Variants in STX12 observed in about 807,000 individuals in gnomAD.
The protein encoded by STX12 is syntaxin-12.
Under a neutral mutation model 42.2 loss-of-function variants are expected in STX12, and 17 were observed. That is an observed-to-expected ratio of 0.40 (90% CI 0.28 to 0.60). STX12 has a LOEUF of 0.60. STX12 is among the 20% of genes least tolerant of loss of function. STX12 has a pLI of 0.39. For missense variants in STX12, 297 were observed against 330.9 expected (o/e 0.90, Z 0.79); for synonymous variants, 108 against 116.7 (o/e 0.93, Z 0.48).
intron 1 of STX12, among the ~76,000 whole-genome samples, chr1:27,778,466 G>A (rs1018138431): frequency 7.9e-5 from 12 of 152,094 alleles, no homozygotes; most frequent in Admixed American, 2.0e-4. Flanking sequence ...CGAGGCGATC[G>A]GATCACCTGA....
chr1:27,793,396 A>T, intron 2 of STX12, 137 bp from the exon 3 acceptor site: 2 of 651,786 alleles, frequency 3.1e-6, no homozygotes. Flanking sequence ...TTTGTTGTGA[A>T]CCTGGGCATC....
intron 1 of STX12, among the ~76,000 whole-genome samples, chr1:27,776,964 C>T (rs963376429): frequency 6.6e-6 from 1 of 152,112 alleles, no homozygotes; most frequent in African/African-American, 2.4e-5. Context: ...CAGTCCCAAA[C>T]ATATGAAAGA....
chr1:27,798,955 A>T (rs2088808246), intron 3 of STX12, among the ~76,000 whole-genome samples: 1 of 148,674 alleles, frequency 6.7e-6, no homozygotes. Context: ...CCCTGTCTCA[A>T]AAAAAAAAAA....
intron 3 of STX12, among the ~76,000 whole-genome samples, 198 bp downstream of exon 3, chr1:27,793,830 A>T (rs2088765984): frequency 6.6e-6 from 1 of 152,056 alleles, no homozygotes; most frequent in African/African-American, 2.4e-5. Context: ...AGATGTGGCA[A>T]AGTGTCTGCG....
intron 1 of STX12, among the ~76,000 whole-genome samples, chr1:27,786,237 C>A (rs1171346271): frequency 6.6e-6 from 1 of 152,178 alleles, no homozygotes; most frequent in African/African-American, 2.4e-5. Flanking sequence ...CTGCTCTAGC[C>A]ACCCTGGCCT....
chr1:27,779,363 TCA>T (rs2088650896), intron 1 of STX12, among the ~76,000 whole-genome samples: 3 of 150,692 alleles, frequency 2.0e-5, no homozygotes, highest in Non-Finnish European at 2.9e-5. Flanking sequence ...GAGCCAAGTC[TCA>T]CTCTGTCGCC....
At position 27,823,622 on chromosome 1, in the gene STX12, T is replaced by C. The variant is rs2089000588; in HGVS notation, c.*1293T>C. The C allele has an allele frequency of 6.5e-6, 1 of 152,768 alleles. No homozygotes were observed. Among genetic ancestry groups the C allele is most frequent in the Middle Eastern group, 3.4e-3 (1 of 294 alleles). The allele number at this position is 152,768 out of a possible 1,614,324, so 9.5% of individuals were successfully genotyped here. ...AGGATTTGGCTACCCTGAGTATATTTATATTCATTTCTTCTGTTCTCCTTC... is the reference window on the plus strand; with the variant it reads ...AGGATTTGGCTACCCTGAGTATATTCATATTCATTTCTTCTGTTCTCCTTC... On this transcript the variant is annotated 3_prime_UTR_variant, in exon 9 of 9. Transcript: ENST00000373943.
At position 27,777,820 on chromosome 1, in the gene STX12, G is replaced by T. The variant is rs2088637146; in HGVS notation, c.118+4395G>T. ...GAGAATTGCTTGAATCCGGGAGGCG[G>T]AGGTTGCGGTGAGCCGAGATTGCGC... On this transcript the variant is annotated intron_variant, in intron 1 of 8. Transcript: ENST00000373943. Among the ~76,000 whole-genome samples the T allele has an allele frequency of 2.0e-5, 3 of 152,116 alleles. No individual in the cohort carries two copies. The South Asian group carries it at 6.2e-4, about 31-fold the overall frequency.
intron 2 of STX12, among the ~76,000 whole-genome samples, chr1:27,792,525 C>G (rs1480898974): frequency 6.6e-6 from 1 of 151,576 alleles, no homozygotes; most frequent in African/African-American, 2.4e-5. Flanking sequence ...GCTTTTGACT[C>G]CTTTTTTTTA....
At chr1:27,818,913 C>T (rs1571534639) in intron 7 of STX12, among the ~76,000 whole-genome samples, 1 of 151,514 alleles carries the variant, frequency 6.6e-6, no homozygotes, top group African/African-American at 2.5e-5. Flanking sequence ...AGGCGTGAGC[C>T]ACCACGCCTG....
chr1:27,822,263 G>T lies in STX12; in HGVS notation c.765G>T (p.Val255=). 1 of 1,613,634 alleles carries T rather than the reference G, an allele frequency of 6.2e-7. No homozygotes were observed. The highest frequency in any genetic ancestry group is 8.5e-7 in the Non-Finnish European group (1 of 1,179,616). The change falls in exon 9 of 9, where the codon GTG becomes GTT. Residue 255 remains valine, a synonymous_variant. Coordinates refer to ENST00000373943, the MANE Select transcript of STX12 (RefSeq NM_177424.3). ...KKSRKKMCIL[V]LVLSVIILIL... is the part of the protein sequence containing the mutation. Reference sequence around the variant, plus strand: ...CTCGCAAGAAGATGTGTATCCTGGTGCTTGTCCTGTCAGTGATTATTCTAA... The same window carrying T: ...CTCGCAAGAAGATGTGTATCCTGGTTCTTGTCCTGTCAGTGATTATTCTAA...
intron 1 of STX12, among the ~76,000 whole-genome samples, chr1:27,785,674 C>G (rs1380559615): frequency 6.6e-6 from 1 of 152,118 alleles, no homozygotes; most frequent in Non-Finnish European, 1.5e-5. Flanking sequence ...AGTTAGTCGT[C>G]AAGTCTGGCT....
chr1:27,781,818 G>A (rs2088669672), intron 1 of STX12, among the ~76,000 whole-genome samples: 1 of 152,100 alleles, frequency 6.6e-6, no homozygotes, highest in Admixed American at 6.6e-5. Flanking sequence ...ATATATAGTT[G>A]GCATTCAATA....
chr1:27,819,758 A>C, intron 8 of STX12, 26 bp downstream of exon 8: 1 of 1,605,152 alleles, frequency 6.2e-7, no homozygotes. Flanking sequence ...AAAGAAAGTC[A>C]CTCTGTGTTG....
chr1:27,823,959 T>G lies in STX12; in HGVS notation c.*1630T>G, dbSNP rs1438045844. On this transcript the variant is annotated 3_prime_UTR_variant, in exon 9 of 9. Coordinates refer to ENST00000373943, the MANE Select transcript of STX12 (RefSeq NM_177424.3). ...GGCTGAGTGCAATGGCTCACACTTG[T>G]AATCCCAACACTTTGGAAGGCTGAG... is the stretch of plus-strand genomic sequence containing the variant. 6.6e-6 allele frequency: 1 copy of G among 152,114 alleles called. No homozygotes were observed. Among genetic ancestry groups the G allele is most frequent in the East Asian group, 1.9e-4 (1 of 5,204 alleles). 9.4% of individuals were successfully genotyped at this position (152,114 alleles called of 1,614,324 possible). A position where few individuals can be genotyped will look rare whatever the true frequency, so the allele number is the denominator to read the frequency against.
At chr1:27,810,328 A>G in intron 5 of STX12, 39 bp downstream of exon 5, 1 of 1,553,642 alleles carries the variant, frequency 6.4e-7, no homozygotes, top group Non-Finnish European at 8.9e-7. Flanking sequence ...GATAGTTGAG[A>G]TGGGAATCTA....
rs977431216 is a variant in STX12 at position 27,810,293 on chromosome 1, A to G, written c.470+4A>G. 1 of 1,612,176 alleles carries G rather than the reference A, an allele frequency of 6.2e-7. No homozygotes were observed. The highest frequency in any genetic ancestry group is 8.5e-7 in the Non-Finnish European group (1 of 1,178,490). On this transcript the variant is annotated splice_donor_region_variant and intron_variant, in intron 5 of 8. Transcript: ENST00000373943. ...AGCAGCTGGTCTCATTTGACAGGTA[A>G]TAGAATTATTCATACAACCTGCTGG...
chr1:27,804,011 AAAC>A (rs2088843510), intron 4 of STX12, among the ~76,000 whole-genome samples: 1 of 151,934 alleles, frequency 6.6e-6, no homozygotes, highest in East Asian at 1.9e-4. Context: ...AAAAAACAAA[AAAC>A]AAAACAAAAA....
At chr1:27,819,602 T>G in intron 7 of STX12, 48 bp from the exon 8 acceptor site, 1 of 1,548,422 alleles carries the variant, frequency 6.5e-7, no homozygotes, top group Non-Finnish European at 8.9e-7. Flanking sequence ...ATTTGCAGTC[T>G]TAAAACATCT....
Sources: allele counts gnomAD v4.1 joint callset (sites outside exome capture counted in the v4.1 genomes callset), GRCh38; gene constraint gnomAD v4.1.1; transcripts MANE v1.5; gene names NCBI Gene and HGNC (gene_info 2026-07-23, HGNC 2026-07-21).